TCF25: variants seen among roughly 807,000 people sequenced by gnomAD.
TCF25 encodes ribosome quality control complex subunit TCF25.
Under a neutral mutation model 83.1 loss-of-function variants are expected in TCF25, and 41 were observed. The observed-to-expected ratio is 0.49, with a 90% CI of 0.38 to 0.64. The LOEUF is 0.64. TCF25 is among the 30% of genes least tolerant of loss of function. The pLI is 0.00. For missense variants in TCF25, 979 were observed against 914.5 expected, an observed-to-expected ratio of 1.07 and a Z score of -0.91; for synonymous variants, 458 against 365.0, an observed-to-expected ratio of 1.25 and a Z score of -2.90.
chr16:89,903,867 G>C (rs1220267009), intron 12 of TCF25, among the ~76,000 whole-genome samples: 4 of 152,056 alleles, frequency 2.6e-5, no homozygotes, highest in Admixed American at 2.6e-4. Context: ...GTCTTCCCTT[G>C]GATGCAAATG....
In TCF25 at chr16:89,884,660, C is replaced by T. The variant is rs372813972; in HGVS notation, c.429+4C>T. 7.8e-5 allele frequency: 125 copies of T among 1,611,144 alleles called. No homozygotes were observed. The South Asian group carries it at 1.2e-3, about 15-fold the overall frequency. ...AAGCAGCACGGGAGAAGCATCGGTA[C>T]GTGAGTTGGGCCTGGCTGTGCTCTG... On this transcript the variant is annotated splice_donor_region_variant and intron_variant, in intron 3 of 17. Transcript: ENST00000263346.
At chr16:89,895,713 G>A (rs2043799603) in intron 8 of TCF25, among the ~76,000 whole-genome samples, 1 of 152,244 alleles carries the variant, frequency 6.6e-6, no homozygotes, top group African/African-American at 2.4e-5. Context: ...GGACACATCT[G>A]TGCTGCACAC....
rs537554220 is a variant in TCF25 at position 89,906,468 on chromosome 16, CTTG to C, written c.1719+190_1719+192del. 1.8e-4 allele frequency among the ~76,000 whole-genome samples: 28 copies of C among 152,238 alleles called. 1 individual carries two copies. The South Asian group carries it at 5.8e-3, about 32-fold the overall frequency. On this transcript the variant is annotated intron_variant, in intron 15 of 17. Coordinates refer to ENST00000263346, the MANE Select transcript of TCF25 (RefSeq NM_014972.3). The stretch of plus-strand genomic sequence containing the variant: ...TTTCCTGGCAGCCCGGGTTCGGATG[CTTG>C]TTGTTTTGAGAGAGAAATCCTTTGG...
At chr16:89,875,862 G>T (rs1319709933) in intron 1 of TCF25, among the ~76,000 whole-genome samples, 1 of 138,578 alleles carries the variant, frequency 7.2e-6, no homozygotes, top group African/African-American at 2.8e-5. Context: ...TACAGACAGG[G>T]TCTCACGGTG....
At position 89,883,362 on chromosome 16, in the gene TCF25, C is replaced by T. The variant is rs549686894; in HGVS notation, c.204C>T (p.Asp68=). 1.7e-5 allele frequency: 27 copies of T among 1,613,402 alleles called. No individual in the cohort carries two copies. In the East Asian group the frequency reaches 2.7e-4, roughly 16 times the overall value. ...ACCTGTTTTTCCAGATAAACATTGA[C>T]GATCTTGAGGATGACCCTGTGGTGA... ...VNNRFELINI[D]DLEDDPVVNG... is the part of the protein sequence containing the mutation. Residue 68 remains aspartate (D), a synonymous_variant, in exon 2 of 18, where the codon GAC becomes GAT. Transcript: ENST00000263346.
chr16:89,889,498 A>G (rs1307457181), intron 5 of TCF25: 1 of 192,350 alleles, frequency 5.2e-6, no homozygotes, highest in African/African-American at 2.4e-5. Context: ...GTTTTATTGG[A>G]CCATGGAGAG....
chr16:89,884,377 G>A lies in TCF25; in HGVS notation c.355-205G>A, dbSNP rs183935266. Among the ~76,000 whole-genome samples, 26 of 152,232 alleles carry A rather than the reference G, an allele frequency of 1.7e-4. No homozygotes were observed. In the East Asian group the frequency reaches 5.0e-3, roughly 29 times the overall value. On this transcript the variant is annotated intron_variant, in intron 2 of 17. Transcript: ENST00000263346. ...GTGAGGCTGGACACAGAAGGCCCTGGGGACTGCTGTAGCACAGCCCGAGGG... is the reference window on the plus strand; with the variant it reads ...GTGAGGCTGGACACAGAAGGCCCTGAGGACTGCTGTAGCACAGCCCGAGGG...
chr16:89,908,894 G>A, intron 16 of TCF25: 1 of 1,272,658 alleles, frequency 7.9e-7, no homozygotes, highest in Admixed American at 2.4e-5. Context: ...GGCTCACAGG[G>A]ACTGGCTGCC....
At chr16:89,898,901 G>T in intron 11 of TCF25, 29 bp downstream of exon 11, 1 of 1,599,758 alleles carries the variant, frequency 6.3e-7, no homozygotes, top group East Asian at 2.2e-5. Context: ...AGGCCCCGTG[G>T]AGGGACGGAC....
intron 17 of TCF25, among the ~76,000 whole-genome samples, chr16:89,910,876 C>A (rs540560695): frequency 2.0e-5 from 3 of 152,350 alleles, no homozygotes; most frequent in East Asian, 3.9e-4. Flanking sequence ...GTGAGTCAGC[C>A]GGCTTGATCC....
intron 16 of TCF25, chr16:89,908,815 G>GCTCCCAC (rs1195811599): frequency 1.9e-6 from 1 of 540,542 alleles, no homozygotes; most frequent in Non-Finnish European, 2.3e-6. Flanking sequence ...CCACCTCGCA[G>GCTCCCAC]CTCCCAGCTC....
chr16:89,898,532 T>A (rs759092660), intron 9 of TCF25, 25 bp from the exon 10 acceptor site: 1 of 1,575,276 alleles, frequency 6.3e-7, no homozygotes, highest in Admixed American at 1.7e-5. Context: ...TCGTTGTAAT[T>A]CATGTGGAAC....
At chr16:89,886,743 C>T (rs1416795624) in intron 4 of TCF25, among the ~76,000 whole-genome samples, 6 of 149,214 alleles carry the variant, frequency 4.0e-5, no homozygotes, top group Non-Finnish European at 8.9e-5. Context: ...GCCTGGGCAA[C>T]GAGCAAAACT....
intron 8 of TCF25, 102 bp from the exon 9 acceptor site, chr16:89,895,888 G>T: frequency 9.3e-7 from 1 of 1,072,464 alleles, no homozygotes; most frequent in South Asian, 1.5e-5. Flanking sequence ...CTAGTTTCGT[G>T]ACCTTCCGTC....
At chr16:89,877,755 A>G (rs563511758) in intron 1 of TCF25, among the ~76,000 whole-genome samples, 1 of 152,256 alleles carries the variant, frequency 6.6e-6, no homozygotes, top group African/African-American at 2.4e-5. Flanking sequence ...GATGGAGGGA[A>G]AAAGGGAAGG....
intron 9 of TCF25, among the ~76,000 whole-genome samples, chr16:89,896,548 C>CT (rs1567720820): frequency 2.1e-4 from 29 of 140,710 alleles, no homozygotes; most frequent in African/African-American, 7.5e-4. Flanking sequence ...CTCAAAACAG[C>CT]ATTTTTTTTT....
chr16:89,902,668 A>G (rs1447415035), intron 12 of TCF25, among the ~76,000 whole-genome samples: 2 of 144,070 alleles, frequency 1.4e-5, no homozygotes, highest in East Asian at 2.5e-4. Context: ...CAGCCTGGGC[A>G]ACATAGCGAG....
At chr16:89,874,315 CG>C (rs1229269509) in intron 1 of TCF25, among the ~76,000 whole-genome samples, 6 of 49,216 alleles carry the variant, frequency 1.2e-4, no homozygotes, top group South Asian at 6.8e-4. Context: ...TGGCTAAAGA[CG>C]GGGGGGTGGC....
intron 16 of TCF25, chr16:89,909,265 A>G (rs2045341607): frequency 1.3e-6 from 1 of 780,794 alleles, no homozygotes; most frequent in Admixed American, 3.3e-5. Flanking sequence ...TAATTCCAGC[A>G]GTTTGAGAGG....
Sources: allele counts gnomAD v4.1 joint callset (sites outside exome capture counted in the v4.1 genomes callset), GRCh38; gene constraint gnomAD v4.1.1; transcripts MANE v1.5; gene names NCBI Gene and HGNC (gene_info 2026-07-23, HGNC 2026-07-21).